PKNOX2: variants seen among roughly 807,000 people sequenced by gnomAD.
The protein encoded by PKNOX2 is homeobox protein PKNOX2.
PKNOX2 carries 14 observed loss-of-function variants against 53.1 expected under a neutral mutation model. The observed-to-expected ratio is 0.26, with a 90% CI of 0.17 to 0.41. The LOEUF (loss-of-function observed/expected upper bound fraction) is 0.41, where lower values mean the gene tolerates loss of function less well. Ranked by LOEUF, PKNOX2 falls within the 10% of genes least tolerant of loss-of-function variation. The pLI, the probability that PKNOX2 is intolerant of heterozygous loss-of-function variation, is 1.00. For missense variants in PKNOX2, 496 were observed against 602.8 expected (o/e 0.82, Z 1.85); for synonymous variants, 257 against 242.8 (o/e 1.06, Z -0.54).
chr11:125,431,113 C>T, intron 12 of PKNOX2, 53 bp from the exon 13 acceptor site: 1 of 1,581,372 alleles, frequency 6.3e-7, no homozygotes, highest in Non-Finnish European at 8.6e-7. Context: ...CACAGAGGTG[C>T]TGGCCCTGAC....
chr11:125,376,827 C>T (rs1488816383), intron 5 of PKNOX2, among the ~76,000 whole-genome samples: 3 of 152,162 alleles, frequency 2.0e-5, no homozygotes, highest in Non-Finnish European at 4.4e-5. Context: ...GGAAGACAGT[C>T]CTGTGCACAA....
chr11:125,385,613 C>G lies in PKNOX2; in HGVS notation c.290C>G (p.Ser97Cys). The G allele has an allele frequency of 6.2e-7, 1 of 1,613,986 alleles. No homozygotes were observed. Among genetic ancestry groups the G allele is most frequent in the African/African-American group, 1.3e-5 (1 of 75,046 alleles). The part of the protein sequence containing the change: ...FEKCEQATQG[S>C]ECITSASFDV... The stretch of plus-strand genomic sequence containing the variant: ...AAATGTGAACAGGCCACCCAGGGCT[C>G]TGAGTGCATCACCTCCGCCAGCTTT... Residue 97 changes from serine to cysteine, a missense_variant, in exon 6 of 13, where the codon TCT becomes TGT. By Grantham distance (112) the Ser-to-Cys change is moderately radical. Transcript: ENST00000298282.
chr11:125,410,017 C>A (rs1475547949), intron 7 of PKNOX2, 179 bp from the exon 8 acceptor site: 6 of 768,728 alleles, frequency 7.8e-6, no homozygotes, highest in Non-Finnish European at 1.2e-5. Flanking sequence ...TTTAATTGAG[C>A]CTTCTTATTC....
intron 2 of PKNOX2, among the ~76,000 whole-genome samples, chr11:125,318,094 A>G (rs963157761): frequency 6.6e-6 from 1 of 152,002 alleles, no homozygotes; most frequent in African/African-American, 2.4e-5. Context: ...AACCTCTGCT[A>G]TCTTCCAACT....
At chr11:125,192,304 G>A (rs1366697577) in intron 1 of PKNOX2, among the ~76,000 whole-genome samples, 2 of 152,222 alleles carry the variant, frequency 1.3e-5, no homozygotes, top group South Asian at 2.1e-4. Flanking sequence ...CAAAGCCAGG[G>A]CAGAGCTATG....
chr11:125,215,288 G>A (rs992466497), intron 1 of PKNOX2, among the ~76,000 whole-genome samples: 3 of 152,100 alleles, frequency 2.0e-5, no homozygotes, highest in South Asian at 2.1e-4. Flanking sequence ...TGGGGGCCAT[G>A]GAGAGGGCTC....
intron 7 of PKNOX2, among the ~76,000 whole-genome samples, chr11:125,401,294 G>A (rs193036271): frequency 3.3e-4 from 51 of 152,254 alleles, no homozygotes; most frequent in African/African-American, 1.1e-3. Flanking sequence ...AAGGACAGAC[G>A]GAGAGAGGAA....
chr11:125,210,644 T>G (rs965265771), intron 1 of PKNOX2, among the ~76,000 whole-genome samples: 1 of 152,110 alleles, frequency 6.6e-6, no homozygotes, highest in African/African-American at 2.4e-5. Flanking sequence ...CTGTTTCTGT[T>G]CACCTGGGAC....
At chr11:125,326,555 T>C (rs117271504) in intron 2 of PKNOX2, among the ~76,000 whole-genome samples, 1 of 152,336 alleles carries the variant, frequency 6.6e-6, no homozygotes, top group Non-Finnish European at 1.5e-5. Context: ...AGAAACACCA[T>C]AAACAAGTCG....
At chr11:125,293,284 A>G (rs1181994975) in intron 2 of PKNOX2, among the ~76,000 whole-genome samples, 1 of 152,200 alleles carries the variant, frequency 6.6e-6, no homozygotes, top group East Asian at 1.9e-4. Flanking sequence ...TTAATCACAG[A>G]ACAAATTGTA....
intron 6 of PKNOX2, among the ~76,000 whole-genome samples, chr11:125,394,445 C>T (rs1954263857): frequency 6.6e-6 from 1 of 152,228 alleles, no homozygotes; most frequent in South Asian, 2.1e-4. Context: ...TTGAGTGACA[C>T]TTGGTCTAAT....
At chr11:125,296,416 ATCCCGCCTGGGACACTCT>A (rs1232098879) in intron 2 of PKNOX2, among the ~76,000 whole-genome samples, 1 of 151,976 alleles carries the variant, frequency 6.6e-6, no homozygotes, top group Admixed American at 6.6e-5. Flanking sequence ...TCAACACATG[ATCCCGCCTGGGACACTCT>A]TCCTCCATGT....
chr11:125,426,186 C>T (rs890448917), intron 10 of PKNOX2, among the ~76,000 whole-genome samples: 1 of 152,198 alleles, frequency 6.6e-6, no homozygotes, highest in Non-Finnish European at 1.5e-5. Flanking sequence ...AGTGGAAGAA[C>T]TTTTCATCCT....
chr11:125,218,917 G>T (rs537879997), intron 1 of PKNOX2, among the ~76,000 whole-genome samples: 1 of 152,270 alleles, frequency 6.6e-6, no homozygotes, highest in Middle Eastern at 3.4e-3. Flanking sequence ...TTCTTTCTCT[G>T]TCATCCTCTG....
In PKNOX2 at chr11:125,433,046, T is replaced by A. The variant is rs1346850136; in HGVS notation, c.*1654T>A. 6.5e-6 allele frequency: 1 copy of A among 152,712 alleles called. No homozygotes were observed. Among genetic ancestry groups the A allele is most frequent in the Admixed American group, 6.5e-5 (1 of 15,286 alleles). The allele number at this position is 152,712 out of a possible 1,614,324, so 9.5% of individuals were successfully genotyped here. On this transcript the variant is annotated 3_prime_UTR_variant, in exon 13 of 13. Coordinates refer to ENST00000298282, the MANE Select transcript of PKNOX2 (RefSeq NM_001382323.2). The stretch of plus-strand genomic sequence containing the variant: ...GAGAAACAAATAACCTTATTTATAA[T>A]CTGGGTGATCCAATCATTTTTTACT...
intron 2 of PKNOX2, among the ~76,000 whole-genome samples, chr11:125,247,542 T>C (rs1416162508): frequency 1.3e-5 from 2 of 152,206 alleles, no homozygotes; most frequent in East Asian, 3.8e-4. Flanking sequence ...CAGCAGAGAA[T>C]GCTGGGTTAT....
intron 2 of PKNOX2, among the ~76,000 whole-genome samples, chr11:125,269,485 T>C (rs1173051015): frequency 1.8e-4 from 28 of 152,234 alleles, no homozygotes; most frequent in Admixed American, 1.8e-3. Flanking sequence ...CATTTTGTAA[T>C]CATAGCACAG....
chr11:125,346,908 A>G (rs1049016825), intron 3 of PKNOX2, among the ~76,000 whole-genome samples: 1 of 151,476 alleles, frequency 6.6e-6, no homozygotes, highest in African/African-American at 2.4e-5. Context: ...CTCTCTCTGA[A>G]CTCCAGCACT....
intron 1 of PKNOX2, among the ~76,000 whole-genome samples, chr11:125,227,597 C>T (rs776880155): frequency 2.0e-5 from 3 of 152,134 alleles, no homozygotes; most frequent in Non-Finnish European, 2.9e-5. Context: ...TGGATGTAGA[C>T]GTATGCATGC....
Sources: allele counts gnomAD v4.1 joint callset (sites outside exome capture counted in the v4.1 genomes callset), GRCh38; gene constraint gnomAD v4.1.1; transcripts MANE v1.5; gene names NCBI Gene and HGNC (gene_info 2026-07-23, HGNC 2026-07-21).